Variants in GNAO1 observed in about 807,000 individuals in gnomAD.
GNAO1 encodes G protein subunit alpha o1.
For synonymous variants in GNAO1, 164 were observed against 180.7 expected (o/e 0.91, Z 0.74); for missense variants, 166 against 478.7 (o/e 0.35, Z 6.10).
chr16:56,281,298 A>C (rs1270406616), intron 3 of GNAO1, among the ~76,000 whole-genome samples: 1 of 152,092 alleles, frequency 6.6e-6, no homozygotes, highest in Non-Finnish European at 1.5e-5. Context: ...AGAATATGAA[A>C]AGGGACCAGA....
At chr16:56,210,180 A>G (rs765608886) in intron 2 of GNAO1, among the ~76,000 whole-genome samples, 1 of 152,214 alleles carries the variant, frequency 6.6e-6, no homozygotes, top group Non-Finnish European at 1.5e-5. Context: ...TAGCCTTTTC[A>G]GATTGGCTTT....
At position 56,357,109 on chromosome 16, in the gene GNAO1, C is replaced by T. The variant is rs2037977244; in HGVS notation, c.*1035C>T. On this transcript the variant is annotated 3_prime_UTR_variant, in exon 9 of 9. Transcript: ENST00000262493. Reference sequence around the variant, plus strand: ...ATGGAATGTAGTGTTTACATTAAAGCCGCCGTTTTCATGACCAATCCTATG... The same window carrying T: ...ATGGAATGTAGTGTTTACATTAAAGTCGCCGTTTTCATGACCAATCCTATG... 6.6e-6 allele frequency: 1 copy of T among 152,338 alleles called. No homozygotes were observed. The highest frequency in any genetic ancestry group is 2.1e-4 in the South Asian group (1 of 4,806). 9.4% of individuals were successfully genotyped at this position (152,338 alleles called of 1,614,324 possible).
intron 3 of GNAO1, among the ~76,000 whole-genome samples, chr16:56,285,405 C>T (rs1205399805): frequency 6.6e-6 from 1 of 152,154 alleles, no homozygotes; most frequent in African/African-American, 2.4e-5. Flanking sequence ...CTCTTCTACC[C>T]CCACCAAACC....
chr16:56,328,557 G>A (rs1596867528), intron 3 of GNAO1, 74 bp from the exon 4 acceptor site: 1 of 1,486,836 alleles, frequency 6.7e-7, no homozygotes, highest in East Asian at 2.3e-5. Flanking sequence ...CCCCGCTAGG[G>A]GAGAGCCCTT....
intron 2 of GNAO1, among the ~76,000 whole-genome samples, chr16:56,219,251 A>G (rs1201866758): frequency 2.0e-5 from 3 of 152,098 alleles, no homozygotes; most frequent in African/African-American, 7.2e-5. Context: ...TAGGTCTGCT[A>G]TTGTTAACCC....
At chr16:56,248,640 A>G (rs2036771491) in intron 2 of GNAO1, among the ~76,000 whole-genome samples, 1 of 152,212 alleles carries the variant, frequency 6.6e-6, no homozygotes, top group South Asian at 2.1e-4. Context: ...GTGGTCAGGG[A>G]CATTCTCTCC....
intron 2 of GNAO1, among the ~76,000 whole-genome samples, chr16:56,206,324 T>TTA (rs2036328061): frequency 8.8e-6 from 1 of 113,242 alleles, no homozygotes; most frequent in African/African-American, 3.3e-5. Context: ...CATCTCAATT[T>TTA]AAAAAAAAAA....
intron 3 of GNAO1, among the ~76,000 whole-genome samples, chr16:56,285,267 A>G (rs1596841967): frequency 7.6e-6 from 1 of 132,430 alleles, no homozygotes; most frequent in Non-Finnish European, 1.6e-5. Flanking sequence ...CACCGCCACC[A>G]TAAGCCCTAA....
chr16:56,239,125 T>C (rs1328374506), intron 2 of GNAO1, among the ~76,000 whole-genome samples: 3 of 152,236 alleles, frequency 2.0e-5, no homozygotes, highest in African/African-American at 7.2e-5. Flanking sequence ...CAGACTCACA[T>C]CTTGAGCACT....
chr16:56,212,357 C>T (rs1394741599), intron 2 of GNAO1, among the ~76,000 whole-genome samples: 1 of 152,212 alleles, frequency 6.6e-6, no homozygotes, highest in East Asian at 1.9e-4. Context: ...TACAGATTCT[C>T]ACCTTCTCCT....
intron 8 of GNAO1, 145 bp downstream of exon 8, chr16:56,355,226 T>C (rs189658729): frequency 9.9e-4 from 214 of 216,216 alleles, no homozygotes; most frequent in Middle Eastern, 1.6e-3. Flanking sequence ...TATATATATA[T>C]ACAAATATAT....
intron 6 of GNAO1, chr16:56,341,050 C>A: frequency 1.5e-6 from 2 of 1,374,470 alleles, no homozygotes; most frequent in South Asian, 1.3e-5. Flanking sequence ...AAAGCCCAGT[C>A]CACCCTTCCT....
intron 2 of GNAO1, among the ~76,000 whole-genome samples, chr16:56,214,122 A>G (rs889099357): frequency 7.9e-5 from 12 of 152,140 alleles, no homozygotes; most frequent in African/African-American, 2.9e-4. Flanking sequence ...AGGAAGACTC[A>G]GTTATTTCTG....
At chr16:56,256,716 C>CTG (rs1418939057) in intron 2 of GNAO1, among the ~76,000 whole-genome samples, 536 of 90,276 alleles carry the variant, frequency 5.9e-3, no homozygotes, top group Non-Finnish European at 9.2e-3. Context: ...CTCTCTCTCT[C>CTG]TCTGTGTGTG....
chr16:56,307,136 G>A (rs1380656549), intron 3 of GNAO1: 1 of 152,298 alleles, frequency 6.6e-6, no homozygotes, highest in Non-Finnish European at 1.5e-5. Flanking sequence ...TACAGAAACA[G>A]GCCTGGTTCT....
intron 2 of GNAO1, among the ~76,000 whole-genome samples, chr16:56,250,255 A>C (rs1055249535): frequency 6.6e-6 from 1 of 152,194 alleles, no homozygotes; most frequent in South Asian, 2.1e-4. Context: ...TGCTAACCTT[A>C]TTTGGGGATC....
intron 2 of GNAO1, among the ~76,000 whole-genome samples, chr16:56,199,289 A>G (rs974911947): frequency 1.1e-4 from 17 of 152,352 alleles, no homozygotes; most frequent in Admixed American, 1.1e-3. Flanking sequence ...CAATTTGAGA[A>G]AAACACCTCT....
chr16:56,217,222 C>T (rs892459156), intron 2 of GNAO1, among the ~76,000 whole-genome samples: 4 of 152,220 alleles, frequency 2.6e-5, no homozygotes, highest in Admixed American at 1.3e-4. Flanking sequence ...ATGTTCTTGC[C>T]TTCAGAGTTT....
Position 56,317,705 on chromosome 16 carries a change from A to G in GNAO1, c.304-10926A>G, listed in dbSNP as rs578223751. ...AGGTATCCTGGGTAGGTGGTGCAGGATGTGTGGCTGGCTGGCTGGAGAAGG... is the reference window on the plus strand; with the variant it reads ...AGGTATCCTGGGTAGGTGGTGCAGGGTGTGTGGCTGGCTGGCTGGAGAAGG... On this transcript the variant is annotated intron_variant, in intron 3 of 8. Coordinates refer to ENST00000262493, the MANE Select transcript of GNAO1 (RefSeq NM_020988.3). 2.0e-5 allele frequency among the ~76,000 whole-genome samples: 3 copies of G among 152,222 alleles called. No individual in the cohort carries two copies. In the East Asian group the frequency reaches 5.8e-4, roughly 29 times the overall value.
Sources: allele counts gnomAD v4.1 joint callset (sites outside exome capture counted in the v4.1 genomes callset), GRCh38; gene constraint gnomAD v4.1.1; transcripts MANE v1.5; gene names NCBI Gene and HGNC (gene_info 2026-07-23, HGNC 2026-07-21).